MAP4K3: variants seen among roughly 807,000 people sequenced by gnomAD.
The protein encoded by MAP4K3 is mitogen-activated protein kinase kinase kinase kinase 3.
Under a neutral mutation model 143.5 loss-of-function variants are expected in MAP4K3, and 94 were observed. The ratio of observed to expected loss-of-function variants is 0.65; its 90% confidence interval spans 0.55 to 0.78. MAP4K3 has a LOEUF of 0.78. Ranked by LOEUF, MAP4K3 falls within the 30% of genes least tolerant of loss-of-function variation. MAP4K3 has a pLI of 0.00. For synonymous variants in MAP4K3, 416 were observed against 347.2 expected, an observed-to-expected ratio of 1.20 and a Z score of -2.20; for missense variants, 1,077 against 1,068.1, an observed-to-expected ratio of 1.01 and a Z score of -0.12.
At chr2:39,275,721 A>C (rs1681221287) in intron 24 of MAP4K3, among the ~76,000 whole-genome samples, 2 of 152,066 alleles carry the variant, frequency 1.3e-5, no homozygotes, top group Admixed American at 1.3e-4. Flanking sequence ...TTCACTGTAC[A>C]CCATTTCCAG....
chr2:39,259,415 A>G (rs958717285), intron 29 of MAP4K3, among the ~76,000 whole-genome samples: 5 of 152,178 alleles, frequency 3.3e-5, no homozygotes, highest in African/African-American at 1.2e-4. Context: ...ATACTCAATG[A>G]TCACTCTTAC....
chr2:39,403,535 T>C (rs1667010467), intron 1 of MAP4K3, among the ~76,000 whole-genome samples: 1 of 152,082 alleles, frequency 6.6e-6, no homozygotes, highest in East Asian at 1.9e-4. Flanking sequence ...GGAGGGAGTA[T>C]TTAGATCAGC....
intron 1 of MAP4K3, among the ~76,000 whole-genome samples, chr2:39,396,050 G>C (rs1190688769): frequency 6.6e-6 from 1 of 152,062 alleles, no homozygotes; most frequent in African/African-American, 2.4e-5. Context: ...TTGTCTGTTT[G>C]TTTTGAGACA....
chr2:39,321,941 C>T (rs1344592703), intron 12 of MAP4K3, among the ~76,000 whole-genome samples: 1 of 152,238 alleles, frequency 6.6e-6, no homozygotes, highest in South Asian at 2.1e-4. Context: ...CGGGGAAACA[C>T]CCACAAATGA....
intron 16 of MAP4K3, among the ~76,000 whole-genome samples, chr2:39,295,919 A>G: frequency 6.6e-6 from 1 of 152,024 alleles, no homozygotes; most frequent in East Asian, 1.9e-4. Flanking sequence ...GAGTCTCACT[A>G]TATTGCCCAG....
At chr2:39,308,061 A>C (rs1682782436) in intron 14 of MAP4K3, 56 bp from the exon 15 acceptor site, 1 of 1,243,612 alleles carries the variant, frequency 8.0e-7, no homozygotes, top group Non-Finnish European at 1.1e-6. Flanking sequence ...AAAAGCCACA[A>C]ATTCACAAAG....
chr2:39,385,187 T>C (rs1666462666), intron 1 of MAP4K3, among the ~76,000 whole-genome samples: 1 of 152,098 alleles, frequency 6.6e-6, no homozygotes. Context: ...GTATACAGGG[T>C]AGATAAATAC....
At chr2:39,371,907 A>G (rs1360163944) in intron 2 of MAP4K3, among the ~76,000 whole-genome samples, 2 of 150,068 alleles carry the variant, frequency 1.3e-5, no homozygotes, top group Non-Finnish European at 3.0e-5. Flanking sequence ...TATAATATAT[A>G]TTACATATAT....
chr2:39,272,283 C>G lies in MAP4K3; in HGVS notation c.1973G>C (p.Arg658Thr). 6.2e-7 allele frequency: 1 copy of G among 1,600,762 alleles called. No homozygotes were observed. Among genetic ancestry groups the G allele is most frequent in the East Asian group, 2.2e-5 (1 of 44,726 alleles). The change falls in exon 26 of 34, where the codon AGG becomes ACG. Residue 658 changes from arginine to threonine, a missense_variant and splice_region_variant. Arg to Thr is a moderately conservative substitution (Grantham distance 71). Around this residue, in one of 2 missense-constraint regions of MAP4K3, gnomAD observed 864 missense variants for 801.2 expected, o/e 1.08. Transcript: ENST00000263881. ...ATTGCCTCTAAGGATGTACCCTTAC[C>G]TTGGCAGTATTCTGTCAGGGAGTTT... ...AHKLPDRILP[R>T]KFSVSAKIPE...
At chr2:39,324,705 C>T (rs937835983) in intron 12 of MAP4K3, among the ~76,000 whole-genome samples, 1 of 152,164 alleles carries the variant, frequency 6.6e-6, no homozygotes, top group Admixed American at 6.5e-5. Flanking sequence ...AGCCTATCCA[C>T]TTCTGTTACA....
At chr2:39,362,070 G>A (rs956063825) in intron 2 of MAP4K3, among the ~76,000 whole-genome samples, 1 of 151,956 alleles carries the variant, frequency 6.6e-6, no homozygotes, top group African/African-American at 2.4e-5. Context: ...AAAAATGCCA[G>A]TTGAATCCTG....
At chr2:39,422,050 T>A (rs968761232) in intron 1 of MAP4K3, among the ~76,000 whole-genome samples, 2 of 151,196 alleles carry the variant, frequency 1.3e-5, no homozygotes, top group Admixed American at 1.3e-4. Flanking sequence ...TGCCACCAAC[T>A]TGAGAAGAGG....
chr2:39,405,301 G>C (rs959232994), intron 1 of MAP4K3, among the ~76,000 whole-genome samples: 1 of 152,156 alleles, frequency 6.6e-6, no homozygotes, highest in Non-Finnish European at 1.5e-5. Flanking sequence ...AATTCTTTTG[G>C]ATCTTATTGA....
chr2:39,386,838 C>T (rs746598962), intron 1 of MAP4K3, among the ~76,000 whole-genome samples: 107 of 89,868 alleles, frequency 1.2e-3, no homozygotes, highest in Non-Finnish European at 1.9e-3. Context: ...TTTTTTGAGA[C>T]GGAGTCTCAC....
chr2:39,333,693 G>C (rs1683755754), intron 6 of MAP4K3, 119 bp from the exon 7 acceptor site: 1 of 523,004 alleles, frequency 1.9e-6, no homozygotes, highest in African/African-American at 2.0e-5. Flanking sequence ...TACTTAAAGT[G>C]TGCTTAATTA....
At chr2:39,283,110 T>C (rs1681610877) in intron 21 of MAP4K3, among the ~76,000 whole-genome samples, 1 of 152,188 alleles carries the variant, frequency 6.6e-6, no homozygotes, top group African/African-American at 2.4e-5. Context: ...ACTTACACAG[T>C]GTATGAGTGG....
intron 24 of MAP4K3, among the ~76,000 whole-genome samples, chr2:39,277,120 C>T (rs1681292227): frequency 6.6e-6 from 1 of 152,224 alleles, no homozygotes; most frequent in African/African-American, 2.4e-5. Context: ...CATCTCTCAC[C>T]GTACTGCAAA....
rs758839769 is a variant in MAP4K3, at chr2:39,299,796, C to T, written c.1125G>A (p.Leu375=). ...GGTGTCCTTGTCCATATTCCAGTTG[C>T]AGATCCTAATAGTACAAAATAAAAT... ...IYYTARSNLD[L]QLEYGQGHQG... Residue 375 remains leucine, a synonymous_variant, in exon 16 of 34, where the codon CTG becomes CTA. Transcript: ENST00000263881. The T allele has an allele frequency of 6.4e-7, 1 of 1,566,802 alleles. No homozygotes were observed. The highest frequency in any genetic ancestry group is 1.2e-5 in the South Asian group (1 of 81,906).
chr2:39,418,713 G>A (rs777902002), intron 1 of MAP4K3, among the ~76,000 whole-genome samples: 3 of 150,598 alleles, frequency 2.0e-5, no homozygotes, highest in Admixed American at 6.6e-5. Context: ...ATCTATAACC[G>A]CAATCTAACC....
Sources: gnomAD v4.1 joint callset for allele counts (sites outside exome capture counted in the v4.1 genomes callset) on GRCh38, gnomAD v4.1.1 for gene constraint, gnomAD v4.1.1 regional missense constraint, MANE v1.5 for transcripts, NCBI Gene and HGNC (gene_info 2026-07-23, HGNC 2026-07-21) for gene names.